The following GFI1B variants were observed in gnomAD, a reference collection of about 807,000 sequenced individuals.
The protein encoded by GFI1B is growth factor independent 1B transcriptional repressor, also known as zinc finger protein Gfi-1b.
A neutral mutation model predicts 35.3 loss-of-function variants in GFI1B; 20 were observed. The observed-to-expected ratio is 0.57, with a 90% CI of 0.40 to 0.82. GFI1B has a LOEUF of 0.82. Among genes scored for constraint, GFI1B ranks in the 40% least tolerant of loss-of-function variants. The pLI, the probability that GFI1B is intolerant of heterozygous loss-of-function variation, is 0.00. For synonymous variants in GFI1B, 178 were observed against 177.6 expected (o/e 1.00, Z -0.02); for missense variants, 430 against 446.3 (o/e 0.96, Z 0.33).
At chr9:132,977,218 C>CA (rs1255969502), upstream of GFI1B, among the ~76,000 whole-genome samples, 1 of 152,178 alleles carries the variant, frequency 6.6e-6, no homozygotes, top group Non-Finnish European at 1.5e-5. Context: ...CTCGGCCTCT[C>CA]AAAGTGCTGG....
intron 1 of GFI1B, among the ~76,000 whole-genome samples, chr9:132,981,252 T>C (rs772722795): frequency 2.6e-5 from 4 of 152,178 alleles, no homozygotes; most frequent in Non-Finnish European, 4.4e-5. Flanking sequence ...TTGCTTCCAC[T>C]TTTTGCCTAT....
intron 1 of GFI1B, among the ~76,000 whole-genome samples, chr9:132,981,695 T>A (rs1415718193): frequency 1.3e-5 from 2 of 151,672 alleles, no homozygotes; most frequent in African/African-American, 4.8e-5. Context: ...CTGGGGCCCC[T>A]GGGCCTGACC....
At chr9:132,977,560 GAGCAGAC>G (rs1000819917), upstream of GFI1B, among the ~76,000 whole-genome samples, 5 of 152,324 alleles carry the variant, frequency 3.3e-5, no homozygotes, top group African/African-American at 1.2e-4. Flanking sequence ...CGGGCTGGAA[GAGCAGAC>G]AAAGCAGCCT....
downstream of GFI1B, among the ~76,000 whole-genome samples, chr9:132,992,229 C>G (rs1205904473): frequency 6.6e-6 from 1 of 152,036 alleles, no homozygotes; most frequent in Non-Finnish European, 1.5e-5. Flanking sequence ...AACCTTCTTG[C>G]CTCTCTCTTA....
In GFI1B at chr9:132,961,679, C is replaced by T. The variant is rs966481491; in HGVS notation, c.-700-11046C>T. Among the ~76,000 whole-genome samples, 6 of 151,386 alleles carry T rather than the reference C, an allele frequency of 4.0e-5. No individual in the cohort carries two copies. In the East Asian group the frequency reaches 1.2e-3, roughly 29 times the overall value. On this transcript the variant is annotated intron_variant, in intron 1 of 10. Transcript: ENST00000339463. ...CAATCTTGGCTCACTGCAAGCTCTG[C>T]CTCCCGGGTTCACGCCATCCTCCTG...
rs140055288 is a variant in GFI1B, at chr9:132,968,847, G to A, written c.-700-3878G>A. 3.8e-3 allele frequency among the ~76,000 whole-genome samples: 579 copies of A among 152,088 alleles called. 5 individuals are homozygous for A. Among genetic ancestry groups the A allele is most frequent in the Non-Finnish European group, 5.4e-3 (367 of 67,982 alleles). On this transcript the variant is annotated intron_variant, in intron 1 of 10. Transcript: ENST00000339463. ...TTTATTATCCTAATTATTTTTAAGC[G>A]TATAGTTCAGTGGCATCGGCTTAAG...
chr9:132,991,245 C>T lies in GFI1B; in HGVS notation c.*195C>T. ...CCTGTCTGGATCAACATTTCTCCTGCTGCCAAGTGTGGGAGCCTGGCTGGG... is the reference window on the plus strand; with the variant it reads ...CCTGTCTGGATCAACATTTCTCCTGTTGCCAAGTGTGGGAGCCTGGCTGGG... On this transcript the variant is annotated 3_prime_UTR_variant, in exon 7 of 7. Transcript: ENST00000372122. The T allele has an allele frequency of 1.6e-6, 1 of 615,226 alleles. No individual in the cohort carries two copies. The highest frequency in any genetic ancestry group is 2.9e-6 in the Non-Finnish European group (1 of 345,818). 38.1% of individuals were successfully genotyped at this position (615,226 alleles called of 1,614,324 possible). A position where few individuals can be genotyped will look rare whatever the true frequency, so the allele number is the denominator to read the frequency against.
chr9:132,950,038 G>T (rs1848177187), intron 1 of GFI1B, among the ~76,000 whole-genome samples: 1 of 152,108 alleles, frequency 6.6e-6, no homozygotes, highest in Admixed American at 6.6e-5. Context: ...CTTGACCCCA[G>T]AATGTTGAAC....
intron 1 of GFI1B, among the ~76,000 whole-genome samples, chr9:132,954,005 T>C (rs1292955771): frequency 1.4e-4 from 22 of 152,202 alleles, no homozygotes; most frequent in Non-Finnish European, 8.8e-5. Flanking sequence ...TTTTTTGTGC[T>C]ATTGTTGTCA....
chr9:132,958,224 A>G lies in GFI1B; in HGVS notation c.-701+12555A>G, dbSNP rs528593406. 3.9e-5 allele frequency among the ~76,000 whole-genome samples: 6 copies of G among 152,250 alleles called. No homozygotes were observed. In the South Asian group the frequency reaches 1.2e-3, roughly 32 times the overall value. ...GCAGTACTCCAGGGGAATGGTGATG[A>G]CAGCCTGGATTAAGGTGGTAAGACG... On this transcript the variant is annotated intron_variant, in intron 1 of 10. Transcript: ENST00000339463.
At chr9:132,990,560 C>G (rs990996396) in intron 6 of GFI1B, among the ~76,000 whole-genome samples, 1 of 152,252 alleles carries the variant, frequency 6.6e-6, no homozygotes, top group Admixed American at 6.5e-5. Flanking sequence ...CTTGCTTATT[C>G]ATTGCCTCCT....
chr9:132,962,916 C>A (rs372804597), intron 1 of GFI1B, among the ~76,000 whole-genome samples: 707 of 123,734 alleles, frequency 5.7e-3, no homozygotes, highest in Non-Finnish European at 6.3e-3. Flanking sequence ...ACTAAAAATA[C>A]AAAAAAAAAA....
upstream of GFI1B, among the ~76,000 whole-genome samples, chr9:132,977,946 T>A (rs1848679079): frequency 2.0e-5 from 3 of 152,104 alleles, no homozygotes; most frequent in Admixed American, 6.6e-5. Flanking sequence ...CTCTACCCGC[T>A]CAAAGGTCAT....
intron 1 of GFI1B, among the ~76,000 whole-genome samples, chr9:132,950,941 C>T (rs1250344776): frequency 6.6e-6 from 1 of 151,878 alleles, no homozygotes; most frequent in Non-Finnish European, 1.5e-5. Flanking sequence ...GGGCTCAGAC[C>T]ATCCTCCTGC....
intron 1 of GFI1B, among the ~76,000 whole-genome samples, chr9:132,970,717 GT>G (rs1848521348): frequency 6.6e-6 from 1 of 152,116 alleles, no homozygotes; most frequent in Non-Finnish European, 1.5e-5. Flanking sequence ...GAGATGAGGC[GT>G]ATAAAGCCCC....
chr9:132,988,932 G>A (rs762259293), intron 4 of GFI1B, 129 bp from the exon 5 acceptor site: 13 of 858,192 alleles, frequency 1.5e-5, no homozygotes, highest in Non-Finnish European at 2.3e-5. Flanking sequence ...AGCAGAACTG[G>A]CAATCCAGTG....
chr9:132,957,029 G>C (rs746357288), intron 1 of GFI1B, among the ~76,000 whole-genome samples: 5 of 152,220 alleles, frequency 3.3e-5, no homozygotes, highest in Non-Finnish European at 7.3e-5. Flanking sequence ...GACAGGGTCT[G>C]TCATAACTTA....
At chr9:132,947,750 A>G (rs1405670499) in intron 1 of GFI1B, among the ~76,000 whole-genome samples, 2 of 145,694 alleles carry the variant, frequency 1.4e-5, no homozygotes, top group Non-Finnish European at 3.0e-5. Flanking sequence ...CAGAGGTTGT[A>G]GTGAGCTGAG....
chr9:132,963,428 T>C (rs2132599132), intron 1 of GFI1B, among the ~76,000 whole-genome samples: 1 of 152,162 alleles, frequency 6.6e-6, no homozygotes, highest in Admixed American at 6.5e-5. Flanking sequence ...TGCAGTGAGC[T>C]AAAATCACGC....
Sources: gnomAD v4.1 joint callset for allele counts (sites outside exome capture counted in the v4.1 genomes callset) on GRCh38, gnomAD v4.1.1 for gene constraint, MANE v1.5 for transcripts, NCBI Gene and HGNC (gene_info 2026-07-23, HGNC 2026-07-21) for gene names.